ADCY9: variants seen among roughly 807,000 people sequenced by gnomAD.
ADCY9 encodes the protein adenylate cyclase type 9.
In ADCY9, 50 loss-of-function variants were observed where a neutral mutation model predicts 101.5. The observed-to-expected ratio is 0.49, with a 90% CI of 0.39 to 0.62. The LOEUF is 0.62. Among genes scored for constraint, ADCY9 ranks in the 20% least tolerant of loss-of-function variants. The probability of loss-of-function intolerance (pLI) is 0.00; values close to 1 mark genes in which losing one functional copy is unlikely to be tolerated. For synonymous variants in ADCY9, 905 were observed against 769.3 expected (o/e 1.18, Z -2.92); for missense variants, 1,662 against 1,800.4 (o/e 0.92, Z 1.39).
At chr16:4,071,128 G>A (rs1221632378) in intron 2 of ADCY9, among the ~76,000 whole-genome samples, 11 of 151,238 alleles carry the variant, frequency 7.3e-5, no homozygotes, top group African/African-American at 2.2e-4. Context: ...CCAGGAGTTC[G>A]AGGCCAGCCT....
intron 2 of ADCY9, among the ~76,000 whole-genome samples, chr16:4,030,731 G>T (rs547501486): frequency 1.3e-5 from 2 of 152,010 alleles, no homozygotes; most frequent in Non-Finnish European, 2.9e-5. Context: ...ACACACTGCA[G>T]GTTCCATTTG....
At chr16:4,005,325 C>G (rs994752122) in intron 3 of ADCY9, among the ~76,000 whole-genome samples, 1 of 152,226 alleles carries the variant, frequency 6.6e-6, no homozygotes, top group Non-Finnish European at 1.5e-5. Flanking sequence ...TTCCTGGGCT[C>G]AAGTGATCCT....
chr16:4,109,099 C>G (rs2057097885), intron 2 of ADCY9, among the ~76,000 whole-genome samples: 1 of 152,160 alleles, frequency 6.6e-6, no homozygotes, highest in Non-Finnish European at 1.5e-5. Flanking sequence ...TAAGATTTCT[C>G]ACACTCGTAC....
At chr16:4,076,083 A>G (rs1389263910) in intron 2 of ADCY9, among the ~76,000 whole-genome samples, 1 of 152,182 alleles carries the variant, frequency 6.6e-6, no homozygotes, top group Non-Finnish European at 1.5e-5. Flanking sequence ...GGTCCCAGCT[A>G]CTTGGGAGGC....
intron 2 of ADCY9, among the ~76,000 whole-genome samples, chr16:4,074,781 T>C (rs1378565594): frequency 2.0e-5 from 3 of 149,268 alleles, no homozygotes; most frequent in Non-Finnish European, 1.5e-5. Context: ...TAAAAAGTGA[T>C]CGAGGGGAAA....
intron 2 of ADCY9, among the ~76,000 whole-genome samples, chr16:4,076,785 T>A (rs1039682997): frequency 2.0e-5 from 3 of 152,110 alleles, no homozygotes; most frequent in African/African-American, 7.2e-5. Context: ...TAATTAAGAA[T>A]CAGCCTCCTG....
intron 2 of ADCY9, among the ~76,000 whole-genome samples, chr16:4,043,036 C>G (rs910534140): frequency 6.6e-6 from 1 of 151,754 alleles, no homozygotes; most frequent in Non-Finnish European, 1.5e-5. Flanking sequence ...TCGAGACCAT[C>G]CTGACTAACA....
intron 2 of ADCY9, among the ~76,000 whole-genome samples, chr16:4,009,164 A>C (rs1478347435): frequency 1.3e-5 from 2 of 152,232 alleles, no homozygotes; most frequent in African/African-American, 4.8e-5. Context: ...GAAACACGTA[A>C]AGACAGCCTA....
intron 9 of ADCY9, among the ~76,000 whole-genome samples, chr16:3,975,521 T>C (rs1403558465): frequency 3.3e-5 from 5 of 152,118 alleles, no homozygotes; most frequent in Non-Finnish European, 7.4e-5. Context: ...CTGCGGCAAA[T>C]AGAATCATTT....
intron 10 of ADCY9, among the ~76,000 whole-genome samples, chr16:3,970,781 G>A (rs534682845): frequency 6.6e-6 from 1 of 152,330 alleles, no homozygotes; most frequent in South Asian, 2.1e-4. Context: ...GAACCCCTGG[G>A]CCCCATCCTG....
intron 2 of ADCY9, among the ~76,000 whole-genome samples, chr16:4,083,393 C>A (rs901277043): frequency 4.6e-5 from 7 of 152,030 alleles, no homozygotes; most frequent in African/African-American, 1.7e-4. Flanking sequence ...AATCAGGGCC[C>A]GCACACACTC....
chr16:4,075,093 C>T (rs1226546048), intron 2 of ADCY9, among the ~76,000 whole-genome samples: 1 of 152,196 alleles, frequency 6.6e-6, no homozygotes, highest in Non-Finnish European at 1.5e-5. Flanking sequence ...AGGAGGATCA[C>T]TTCAGCCCAG....
chr16:4,094,358 A>G (rs1321078232), intron 2 of ADCY9, among the ~76,000 whole-genome samples: 1 of 152,192 alleles, frequency 6.6e-6, no homozygotes, highest in Non-Finnish European at 1.5e-5. Context: ...GGGCAAAGGT[A>G]TCCAATGACA....
intron 2 of ADCY9, among the ~76,000 whole-genome samples, chr16:4,087,074 CAAGTT>C (rs1487084594): frequency 2.6e-5 from 4 of 152,074 alleles, no homozygotes; most frequent in African/African-American, 4.8e-5. Context: ...TACATCCCAA[CAAGTT>C]ATGTCTTTTA....
chr16:4,113,712 C>G (rs1340630082), intron 2 of ADCY9, 38 bp downstream of exon 2: 35 of 1,578,478 alleles, frequency 2.2e-5, no homozygotes, highest in Non-Finnish European at 2.9e-5. Context: ...CAATCAGGAT[C>G]AGGGAGGGGG....
At chr16:4,107,095 G>C (rs1461884231) in intron 2 of ADCY9, among the ~76,000 whole-genome samples, 2 of 152,326 alleles carry the variant, frequency 1.3e-5, no homozygotes, top group East Asian at 3.9e-4. Flanking sequence ...AGGTCTCAAA[G>C]AGCCTGAACA....
intron 2 of ADCY9, among the ~76,000 whole-genome samples, chr16:4,023,476 G>C (rs2056492248): frequency 6.6e-6 from 1 of 151,122 alleles, no homozygotes; most frequent in Non-Finnish European, 1.5e-5. Context: ...AGGCACGAGG[G>C]ATGCAGGGAT....
chr16:4,114,229 T>C lies in ADCY9; in HGVS notation c.1214A>G (p.Lys405Arg), dbSNP rs2057132526. ...ILFADIVGFT[K>R]MSANKSAHAL... ...GTGGGCAGACTTGTTGGCACTCATCTTGGTGAAGCCCACGATATCTGCAAA... is the reference window on the plus strand; with the variant it reads ...GTGGGCAGACTTGTTGGCACTCATCCTGGTGAAGCCCACGATATCTGCAAA... Residue 405 changes from lysine to arginine, a missense_variant, in exon 2 of 11, where the codon AAG (lysine) becomes AGG (arginine). Around this residue, in one of 5 missense-constraint regions of ADCY9, gnomAD observed 228 missense variants for 301.1 expected, o/e 0.76. Coordinates refer to ENST00000294016, the MANE Select transcript of ADCY9 (RefSeq NM_001116.4). The surrounding 1 kb of genome is among the most constrained non-coding windows in gnomAD (Gnocchi z 4.3). The C allele has an allele frequency of 2.5e-6, 4 of 1,613,884 alleles. No homozygotes were observed. The Admixed American group carries it at 6.7e-5, about 27-fold the overall frequency.
intron 2 of ADCY9, among the ~76,000 whole-genome samples, chr16:4,083,172 T>C (rs563286358): frequency 4.6e-5 from 7 of 152,388 alleles, no homozygotes; most frequent in Non-Finnish European, 7.3e-5. Context: ...TTGTTTGTTT[T>C]AGGTAATTTT....
Sources: allele counts gnomAD v4.1 joint callset (sites outside exome capture counted in the v4.1 genomes callset), GRCh38; gene constraint gnomAD v4.1.1; regional missense constraint gnomAD v4.1.1; non-coding constraint Gnocchi (gnomAD v3.1); transcripts MANE v1.5; gene names NCBI Gene and HGNC (gene_info 2026-07-23, HGNC 2026-07-21).